The following PLD5 variants were observed in gnomAD, a reference collection of about 807,000 sequenced individuals.
PLD5 encodes the protein inactive phospholipase D5.
Under a neutral mutation model 61.1 loss-of-function variants are expected in PLD5, and 36 were observed. The ratio of observed to expected loss-of-function variants is 0.59; its 90% CI spans 0.45 to 0.78. PLD5 has a LOEUF of 0.78. Among genes scored for constraint, PLD5 ranks in the 30% least tolerant of loss-of-function variants. The pLI is 0.00. For synonymous variants in PLD5, 243 were observed against 242.8 expected, an observed-to-expected ratio of 1.00 and a Z score of -0.01; for missense variants, 515 against 644.4, an observed-to-expected ratio of 0.80 and a Z score of 2.17.
rs1203018484 is a variant in PLD5, at chr1:242,207,852, T to TTA, written c.735+12134_735+12135dup. On this transcript the variant is annotated intron_variant, in intron 5 of 9. Transcript: ENST00000536534. ...TATATATTTATATATTTATATATATTTATATATTTATATATTTATATATAT... is the reference window on the plus strand; with the variant it reads ...TATATATTTATATATTTATATATATTTATATATATTTATATATTTATATATAT... 1.8e-3 allele frequency among the ~76,000 whole-genome samples: 49 copies of TTA among 27,850 alleles called. 5 individuals carry two copies. Among genetic ancestry groups the TTA allele is most frequent in the African/African-American group, 8.0e-3 (43 of 5,396 alleles). The allele number at this position is 27,850 out of a possible 152,430, so 18.3% of individuals were successfully genotyped here. A position where few individuals can be genotyped will look rare whatever the true frequency, so the allele number is the denominator to read the frequency against.
At chr1:242,273,500 A>T (rs1332312349) in intron 3 of PLD5, among the ~76,000 whole-genome samples, 1 of 152,222 alleles carries the variant, frequency 6.6e-6, no homozygotes, top group African/African-American at 2.4e-5. Flanking sequence ...TTCCAGTCAG[A>T]ATTAGTACAC....
At chr1:242,129,321 C>T (rs567847189) in intron 5 of PLD5, among the ~76,000 whole-genome samples, 90 of 152,308 alleles carry the variant, frequency 5.9e-4, no homozygotes, top group African/African-American at 2.1e-3. Flanking sequence ...AAGCACTGCC[C>T]TCTAGAGATG....
intron 1 of PLD5, among the ~76,000 whole-genome samples, chr1:242,465,373 C>T (rs77206033): frequency 0.051 from 7,745 of 152,278 alleles, 247 homozygotes; most frequent in Middle Eastern, 0.061. Flanking sequence ...CTTTATTATA[C>T]TCTTATCACC....
intron 1 of PLD5, among the ~76,000 whole-genome samples, chr1:242,395,076 T>TATGA (rs1477816498): frequency 4.1e-5 from 6 of 146,216 alleles, no homozygotes; most frequent in African/African-American, 1.5e-4. Context: ...TATATGAATA[T>TATGA]ATATGTATAT....
At chr1:242,392,999 T>A (rs1404569200) in intron 1 of PLD5, among the ~76,000 whole-genome samples, 1 of 150,782 alleles carries the variant, frequency 6.6e-6, no homozygotes, top group Non-Finnish European at 1.5e-5. Flanking sequence ...AAGTCAGGAG[T>A]TCGAGACCAG....
At chr1:242,231,400 A>G (rs1411201600) in intron 4 of PLD5, among the ~76,000 whole-genome samples, 4 of 152,240 alleles carry the variant, frequency 2.6e-5, no homozygotes, top group Non-Finnish European at 5.9e-5. Context: ...ATGGAGATCC[A>G]GTAGCTTTGG....
At chr1:242,429,655 C>A (rs551215594) in intron 1 of PLD5, among the ~76,000 whole-genome samples, 56 of 152,320 alleles carry the variant, frequency 3.7e-4, no homozygotes, top group African/African-American at 1.3e-3. Flanking sequence ...ACCATTTTTA[C>A]TTCTTATCAT....
intron 2 of PLD5, among the ~76,000 whole-genome samples, chr1:242,342,963 A>T (rs1659925494): frequency 6.6e-6 from 1 of 152,230 alleles, no homozygotes; most frequent in African/African-American, 2.4e-5. Context: ...AAAAAATCAT[A>T]AGGATTTTTT....
chr1:242,231,009 T>G (rs1671263446), intron 4 of PLD5, among the ~76,000 whole-genome samples: 1 of 150,928 alleles, frequency 6.6e-6, no homozygotes, highest in South Asian at 2.1e-4. Context: ...CAATTAGGCT[T>G]AAAAATAAAG....
rs551232926 is a variant in PLD5, at chr1:242,096,626, G to A, written c.1354+4042C>T. 5.4e-4 allele frequency among the ~76,000 whole-genome samples: 82 copies of A among 151,608 alleles called. 3 individuals are homozygous for A. The South Asian group carries it at 0.016, about 30-fold the overall frequency. On this transcript the variant is annotated intron_variant, in intron 9 of 9. Coordinates refer to ENST00000536534, the MANE Select transcript of PLD5 (RefSeq NM_001372062.1). ...CAAAGTGCTGGGATTACAAGGGTGA[G>A]CCACCATACCCAGCCTATTTAGTTT...
At chr1:242,188,264 C>T (rs1385545611) in intron 5 of PLD5, among the ~76,000 whole-genome samples, 1 of 152,098 alleles carries the variant, frequency 6.6e-6, no homozygotes, top group African/African-American at 2.4e-5. Flanking sequence ...ACAGAGTCAA[C>T]TAACATCAAT....
intron 8 of PLD5, among the ~76,000 whole-genome samples, chr1:242,103,336 G>A (rs1394116122): frequency 6.6e-6 from 1 of 152,124 alleles, no homozygotes; most frequent in East Asian, 1.9e-4. Context: ...TCCCCTCACT[G>A]GCTTGCAGAA....
chr1:242,101,689 A>G (rs1660703991), intron 8 of PLD5, among the ~76,000 whole-genome samples: 1 of 152,206 alleles, frequency 6.6e-6, no homozygotes, highest in African/African-American at 2.4e-5. Context: ...ATGGCATGAT[A>G]CCTAGAAAAG....
chr1:242,209,116 G>A (rs1669630688), intron 5 of PLD5: 1 of 152,230 alleles, frequency 6.6e-6, no homozygotes, highest in African/African-American at 2.4e-5. Context: ...AGCCCTGTGG[G>A]TTGAAGACCG....
chr1:242,183,479 A>G (rs1458156042), intron 5 of PLD5, among the ~76,000 whole-genome samples: 1 of 152,208 alleles, frequency 6.6e-6, no homozygotes, highest in Admixed American at 6.5e-5. Context: ...GTAAGGGGAA[A>G]AGCAATTATT....
At chr1:242,159,846 G>T (rs916523144) in intron 5 of PLD5, among the ~76,000 whole-genome samples, 5 of 152,058 alleles carry the variant, frequency 3.3e-5, no homozygotes, top group Non-Finnish European at 5.9e-5. Context: ...TAGAAATTTT[G>T]CCAATTATTT....
At chr1:242,299,559 G>T (rs1202469754) in intron 2 of PLD5, among the ~76,000 whole-genome samples, 1 of 152,134 alleles carries the variant, frequency 6.6e-6, no homozygotes, top group Non-Finnish European at 1.5e-5. Flanking sequence ...ACACTCCATT[G>T]CCTCTTCCAA....
intron 2 of PLD5, among the ~76,000 whole-genome samples, chr1:242,329,542 T>C (rs557553720): frequency 6.6e-6 from 1 of 152,242 alleles, no homozygotes; most frequent in East Asian, 1.9e-4. Flanking sequence ...ATATTCAAAA[T>C]AGAACTGCAT....
At chr1:242,098,086 C>T (rs1660389412) in intron 9 of PLD5, among the ~76,000 whole-genome samples, 1 of 152,050 alleles carries the variant, frequency 6.6e-6, no homozygotes, top group Non-Finnish European at 1.5e-5. Context: ...CTCTGTATTT[C>T]CTGAATTTGA....
Sources: gnomAD v4.1 joint callset for allele counts (sites outside exome capture counted in the v4.1 genomes callset) on GRCh38, gnomAD v4.1.1 for gene constraint, MANE v1.5 for transcripts, NCBI Gene and HGNC (gene_info 2026-07-23, HGNC 2026-07-21) for gene names.